The following CMIP variants were observed in gnomAD, a reference collection of about 807,000 sequenced individuals.
CMIP encodes the protein c-Maf inducing protein.
A neutral mutation model predicts 97.3 loss-of-function variants in CMIP; 13 were observed. The ratio of observed to expected loss-of-function variants is 0.13; its 90% CI spans 0.09 to 0.21. The LOEUF is 0.21. CMIP is among the 10% of genes least tolerant of loss of function. The pLI is 1.00. For synonymous variants in CMIP, 538 were observed against 436.3 expected (o/e 1.23, Z -2.91); for missense variants, 847 against 1,024.9 (o/e 0.83, Z 2.37).
At chr16:81,641,261 T>C (rs1222316931) in intron 3 of CMIP, among the ~76,000 whole-genome samples, 1 of 151,994 alleles carries the variant, frequency 6.6e-6, no homozygotes, top group Admixed American at 6.6e-5. Flanking sequence ...TTCAGTGCCA[T>C]TTTCATTCTC....
At chr16:81,683,070 C>G (rs1905032585) in intron 10 of CMIP, among the ~76,000 whole-genome samples, 1 of 152,210 alleles carries the variant, frequency 6.6e-6, no homozygotes, top group South Asian at 2.1e-4. Flanking sequence ...ATTCTTTCAT[C>G]CAGCTTTTGT....
In CMIP at chr16:81,558,606, G is replaced by A. The variant is rs61659770; in HGVS notation, c.301-48961G>A. Among the ~76,000 whole-genome samples the A allele has an allele frequency of 7.8e-4, 119 of 152,336 alleles. 1 individual carries two copies. The East Asian group carries it at 0.022, about 29-fold the overall frequency. ...CCAGGTGGAGACAGCCTGGCTTGGAGTGAGCAAGGGGCAGAAGGAAAGACA... is the reference window on the plus strand; with the variant it reads ...CCAGGTGGAGACAGCCTGGCTTGGAATGAGCAAGGGGCAGAAGGAAAGACA... On this transcript the variant is annotated intron_variant, in intron 1 of 20. Coordinates refer to ENST00000537098, the MANE Select transcript of CMIP (RefSeq NM_198390.3).
intron 2 of CMIP, among the ~76,000 whole-genome samples, chr16:81,615,588 CTG>C (rs771775580): frequency 5.1e-4 from 57 of 111,576 alleles, no homozygotes; most frequent in East Asian, 3.7e-3. Context: ...GTGTGTGTGT[CTG>C]TGTGTGTGGT....
chr16:81,522,593 C>T (rs1464390058), intron 1 of CMIP, among the ~76,000 whole-genome samples: 1 of 152,234 alleles, frequency 6.6e-6, no homozygotes, highest in Non-Finnish European at 1.5e-5. Context: ...TGTGGCTTCA[C>T]CACCTACTGA....
intron 1 of CMIP, chr16:81,517,717 C>G (rs1398679570): frequency 6.6e-6 from 1 of 152,612 alleles, no homozygotes; most frequent in Non-Finnish European, 1.5e-5. Context: ...TCTCCCCCGA[C>G]AATGCCAGGG....
intron 1 of CMIP, among the ~76,000 whole-genome samples, chr16:81,501,177 A>G (rs1167831949): frequency 1.3e-5 from 2 of 152,212 alleles, no homozygotes; most frequent in Non-Finnish European, 2.9e-5. Context: ...GTGAAATTCC[A>G]CTGGGCCTGA....
chr16:81,610,508 G>C, intron 2 of CMIP: 1 of 985,574 alleles, frequency 1.0e-6, no homozygotes, highest in Non-Finnish European at 1.2e-6. Context: ...CAGCAGACAC[G>C]GCCTCCCAAC....
chr16:81,503,479 C>G (rs1306507510), intron 1 of CMIP, among the ~76,000 whole-genome samples: 1 of 152,196 alleles, frequency 6.6e-6, no homozygotes, highest in Non-Finnish European at 1.5e-5. Context: ...TTACTGCAGC[C>G]TTGACCCCCC....
At chr16:81,701,623 G>A in intron 15 of CMIP, 37 bp from the exon 16 acceptor site, 1 of 1,613,492 alleles carries the variant, frequency 6.2e-7, no homozygotes, top group Non-Finnish European at 8.5e-7. Flanking sequence ...TAGGGTGGCA[G>A]GCCGGGTCCG....
intron 1 of CMIP, among the ~76,000 whole-genome samples, chr16:81,447,821 G>C (rs1346432441): frequency 6.6e-6 from 1 of 152,244 alleles, no homozygotes; most frequent in African/African-American, 2.4e-5. Context: ...AGGTGGGGCT[G>C]TGAGGGCTGG....
chr16:81,515,905 C>G (rs1323714322), intron 1 of CMIP, among the ~76,000 whole-genome samples: 1 of 152,202 alleles, frequency 6.6e-6, no homozygotes, highest in African/African-American at 2.4e-5. Flanking sequence ...AGAGGCCACT[C>G]TGATGGCACC....
chr16:81,691,256 G>T (rs1408356644), intron 10 of CMIP, among the ~76,000 whole-genome samples: 2 of 152,228 alleles, frequency 1.3e-5, no homozygotes, highest in Non-Finnish European at 2.9e-5. Flanking sequence ...CTGGCTTGCA[G>T]ATGGCTGCCT....
Position 81,457,564 on chromosome 16 carries a change from C to T in CMIP, c.300+12023C>T, listed in dbSNP as rs148175478. ...GGCCCACTGCTCCCCACAGTTGTAA[C>T]AACCCGTGATACGTAACAAGCAGGC... On this transcript the variant is annotated intron_variant, in intron 1 of 20. Coordinates refer to ENST00000537098, the MANE Select transcript of CMIP (RefSeq NM_198390.3). 3.9e-3 allele frequency among the ~76,000 whole-genome samples: 595 copies of T among 152,352 alleles called. 3 individuals are homozygous for T. Among genetic ancestry groups the T allele is most frequent in the African/African-American group, 0.014 (569 of 41,586 alleles).
At position 81,521,971 on chromosome 16, in the gene CMIP, G is replaced by A. The variant is rs185592599; in HGVS notation, c.300+76430G>A. Among the ~76,000 whole-genome samples, 287 of 152,294 alleles carry A rather than the reference G, an allele frequency of 1.9e-3. 3 individuals carry two copies. Among genetic ancestry groups the A allele is most frequent in the Middle Eastern group, 0.01 (3 of 294 alleles). On this transcript the variant is annotated intron_variant, in intron 1 of 20. Coordinates refer to ENST00000537098, the MANE Select transcript of CMIP (RefSeq NM_198390.3). ...CAGAATATTGTTTCCTTTTTATCCAGGAAGGCGAGAAGAAAAGCGTATAAG... is the reference window on the plus strand; with the variant it reads ...CAGAATATTGTTTCCTTTTTATCCAAGAAGGCGAGAAGAAAAGCGTATAAG...
Position 81,627,250 on chromosome 16 carries a change from C to T in CMIP, c.477+6324C>T, listed in dbSNP as rs2150968777. Among the ~76,000 whole-genome samples, 1 of 151,512 alleles carries T rather than the reference C, an allele frequency of 6.6e-6. No homozygotes were observed. The highest frequency in any genetic ancestry group is 6.6e-5 in the Admixed American group (1 of 15,196). On this transcript the variant is annotated intron_variant, in intron 3 of 20. Transcript: ENST00000537098. This position sits in a 1 kb window ranked among gnomAD's most constrained non-coding sequence, Gnocchi z 4.6. Reference sequence around the variant, plus strand: ...ATGTGTGTGTGAGTGTGTGTGTGGCCTGTGGGGATACTATGAGTATGCTGG... The same window carrying T: ...ATGTGTGTGTGAGTGTGTGTGTGGCTTGTGGGGATACTATGAGTATGCTGG...
At chr16:81,559,061 C>T (rs922037954) in intron 1 of CMIP, among the ~76,000 whole-genome samples, 13 of 152,220 alleles carry the variant, frequency 8.5e-5, no homozygotes. Context: ...GGGCGCCCCT[C>T]CTGCCGCCCA....
chr16:81,690,716 G>A (rs1479273529), intron 10 of CMIP, among the ~76,000 whole-genome samples: 1 of 152,232 alleles, frequency 6.6e-6, no homozygotes, highest in Non-Finnish European at 1.5e-5. Flanking sequence ...CCTGAGGCCA[G>A]GAGTTCAAGA....
At chr16:81,474,180 C>T (rs1037293123) in intron 1 of CMIP, among the ~76,000 whole-genome samples, 2 of 152,136 alleles carry the variant, frequency 1.3e-5, no homozygotes, top group Non-Finnish European at 2.9e-5. Context: ...TTCCCCCCTG[C>T]TCAGAGCTTG....
intron 1 of CMIP, among the ~76,000 whole-genome samples, chr16:81,606,462 G>A (rs1291436248): frequency 6.6e-6 from 1 of 152,182 alleles, no homozygotes; most frequent in Non-Finnish European, 1.5e-5. Context: ...TTTGGCTCCT[G>A]GTGGCCATTG....
Sources: gnomAD v4.1 joint callset for allele counts (sites outside exome capture counted in the v4.1 genomes callset) on GRCh38, gnomAD v4.1.1 for gene constraint, Gnocchi (gnomAD v3.1) non-coding constraint, MANE v1.5 for transcripts, NCBI Gene and HGNC (gene_info 2026-07-23, HGNC 2026-07-21) for gene names.